PPP2R5A: variants seen among roughly 807,000 people sequenced by gnomAD.
The protein encoded by PPP2R5A is serine/threonine-protein phosphatase 2A 56 kDa regulatory subunit alpha isoform.
A neutral mutation model predicts 64.2 loss-of-function variants in PPP2R5A; 25 were observed. That is an observed-to-expected ratio of 0.39 (90% CI 0.28 to 0.54). PPP2R5A has a LOEUF of 0.54. Ranked by LOEUF, PPP2R5A falls within the 20% of genes least tolerant of loss-of-function variation. PPP2R5A has a pLI of 0.67. For synonymous variants in PPP2R5A, 198 were observed against 201.2 expected (o/e 0.98, Z 0.13); for missense variants, 425 against 576.3 (o/e 0.74, Z 2.69).
At chr1:212,342,366 A>G (rs1659700311) in intron 4 of PPP2R5A, 86 bp downstream of exon 4, 1 of 1,473,516 alleles carries the variant, frequency 6.8e-7, no homozygotes, top group Admixed American at 2.3e-5. Flanking sequence ...TAGTCTTTCA[A>G]AACTTTAATG....
chr1:212,323,514 TC>T (rs1338715244), intron 1 of PPP2R5A, among the ~76,000 whole-genome samples: 4 of 152,218 alleles, frequency 2.6e-5, no homozygotes, highest in African/African-American at 7.2e-5. Flanking sequence ...ATTGGAAACT[TC>T]TGTTTTAACC....
intron 1 of PPP2R5A, among the ~76,000 whole-genome samples, chr1:212,315,424 A>G (rs763241879): frequency 6.6e-6 from 1 of 152,210 alleles, no homozygotes; most frequent in Non-Finnish European, 1.5e-5. Context: ...AGTCAGATAT[A>G]TATTACACAG....
At chr1:212,354,806 T>C (rs1055059503) in intron 8 of PPP2R5A, among the ~76,000 whole-genome samples, 3 of 152,190 alleles carry the variant, frequency 2.0e-5, no homozygotes, top group African/African-American at 7.2e-5. Context: ...GCTATATTTT[T>C]ACTGTACCTT....
intron 1 of PPP2R5A, among the ~76,000 whole-genome samples, chr1:212,294,829 T>C (rs376547): frequency 0.05 from 7,564 of 151,644 alleles, 333 homozygotes; most frequent in African/African-American, 0.12. Context: ...GGGAGGGGAG[T>C]GATCAGGGAA....
intron 1 of PPP2R5A, among the ~76,000 whole-genome samples, chr1:212,289,130 GT>G (rs1658556756): frequency 6.6e-6 from 1 of 152,192 alleles, no homozygotes; most frequent in Admixed American, 6.5e-5. Flanking sequence ...GGAAGGCTTG[GT>G]TTGGTAAAGT....
chr1:212,321,632 C>T (rs1329538397), intron 1 of PPP2R5A, among the ~76,000 whole-genome samples: 5 of 139,916 alleles, frequency 3.6e-5, no homozygotes, highest in Admixed American at 2.7e-4. Context: ...AGACGATGGG[C>T]GGCCTGGCAG....
intron 2 of PPP2R5A, among the ~76,000 whole-genome samples, chr1:212,333,146 G>GC (rs1288820969): frequency 1.3e-5 from 2 of 151,968 alleles, no homozygotes; most frequent in South Asian, 2.1e-4. Flanking sequence ...CAGACAGTCT[G>GC]CCCCCCTCGG....
chr1:212,307,644 G>A (rs1658945497), intron 1 of PPP2R5A, among the ~76,000 whole-genome samples: 1 of 152,066 alleles, frequency 6.6e-6, no homozygotes, highest in Admixed American at 6.6e-5. Context: ...AGAAAAATAG[G>A]CACTTATAAT....
chr1:212,338,400 C>A (rs572483589), intron 3 of PPP2R5A, among the ~76,000 whole-genome samples: 1 of 152,258 alleles, frequency 6.6e-6, no homozygotes, highest in South Asian at 2.1e-4. Context: ...TGGTGAAGTG[C>A]CTGTTTTTCT....
At chr1:212,350,159 GA>G (rs1571609985) in intron 8 of PPP2R5A, among the ~76,000 whole-genome samples, 1 of 152,112 alleles carries the variant, frequency 6.6e-6, no homozygotes, top group African/African-American at 2.4e-5. Context: ...AGGGATGCTT[GA>G]AAAAATCATA....
At chr1:212,314,557 A>AT (rs1212438178) in intron 1 of PPP2R5A, among the ~76,000 whole-genome samples, 20,398 of 127,772 alleles carry the variant, frequency 0.16, 4,452 homozygotes, top group African/African-American at 0.5. Flanking sequence ...CACCAAGCCT[A>AT]TTTTTTTTTT....
At chr1:212,356,840 AT>A (rs1365058631) in intron 9 of PPP2R5A, 109 bp from the exon 10 acceptor site, 6 of 1,274,868 alleles carry the variant, frequency 4.7e-6, no homozygotes, top group Admixed American at 2.8e-5. Context: ...CCATCCAGAC[AT>A]TTTTTTGCTT....
chr1:212,342,310 T>C (rs766091789), intron 4 of PPP2R5A, 30 bp downstream of exon 4: 2 of 1,599,484 alleles, frequency 1.3e-6, no homozygotes, highest in Non-Finnish European at 1.7e-6. Flanking sequence ...TAGATTCTCA[T>C]ATATTCATCT....
intron 6 of PPP2R5A, among the ~76,000 whole-genome samples, 164 bp downstream of exon 6, chr1:212,347,570 G>A (rs559517958): frequency 2.7e-5 from 4 of 148,446 alleles, no homozygotes; most frequent in South Asian, 2.1e-4. Flanking sequence ...ACGGAGTTTC[G>A]CTCTTGTTGC....
At chr1:212,321,334 C>A (rs1253284616) in intron 1 of PPP2R5A, among the ~76,000 whole-genome samples, 2 of 147,602 alleles carry the variant, frequency 1.4e-5, no homozygotes, top group Non-Finnish European at 3.0e-5. Context: ...CCCCCCACCT[C>A]CCTTCCGGAC....
chr1:212,342,069 T>G, intron 3 of PPP2R5A, 119 bp from the exon 4 acceptor site: 33 of 1,372,672 alleles, frequency 2.4e-5, no homozygotes, highest in South Asian at 4.9e-5. Flanking sequence ...CATTTTATAA[T>G]GAGATCTGAA....
intron 1 of PPP2R5A, among the ~76,000 whole-genome samples, chr1:212,295,322 T>G (rs898064635): frequency 6.6e-6 from 1 of 152,150 alleles, no homozygotes; most frequent in Non-Finnish European, 1.5e-5. Flanking sequence ...GGCAACTGGA[T>G]GTATGATAGC....
At chr1:212,347,244 T>C in intron 5 of PPP2R5A, 103 bp from the exon 6 acceptor site, 1 of 805,506 alleles carries the variant, frequency 1.2e-6, no homozygotes, top group Middle Eastern at 2.3e-4. Context: ...CTTGTGTGTT[T>C]CTAATAGCTG....
Position 212,286,193 on chromosome 1 carries a change from C to T in PPP2R5A, c.83C>T (p.Ser28Leu). Residue 28 changes from serine to leucine, a missense_variant, in exon 1 of 13, where the codon TCG becomes TTG. This residue lies in a region of PPP2R5A where 104 missense variants were observed against 95.7 expected (regional missense o/e 1.09). Transcript: ENST00000261461. Reference protein sequence around the residue: ...SEKVDGFTRKSVRKAQRQKRS... With the variant: ...SEKVDGFTRKLVRKAQRQKRS... ...AAAGTGGACGGCTTCACCCGGAAAT[C>T]GGTCCGCAAGGCGCAGAGGCAGAAG... is the stretch of plus-strand genomic sequence containing the variant. The T allele has an allele frequency of 1.3e-6, 2 of 1,586,986 alleles. No individual in the cohort carries two copies. Among genetic ancestry groups the T allele is most frequent in the Non-Finnish European group, 1.7e-6 (2 of 1,167,968 alleles).
Sources: allele counts gnomAD v4.1 joint callset (sites outside exome capture counted in the v4.1 genomes callset), GRCh38; gene constraint gnomAD v4.1.1; regional missense constraint gnomAD v4.1.1; transcripts MANE v1.5; gene names NCBI Gene and HGNC (gene_info 2026-07-23, HGNC 2026-07-21).